The following CCDC138 variants were observed in gnomAD, a reference collection of about 807,000 sequenced individuals.
CCDC138 encodes coiled-coil domain-containing protein 138.
CCDC138 carries 66 observed loss-of-function variants against 82.3 expected under a neutral mutation model. The ratio of observed to expected loss-of-function variants is 0.80; its 90% confidence interval spans 0.66 to 0.98. The LOEUF (loss-of-function observed/expected upper bound fraction) is 0.98, where lower values mean the gene tolerates loss of function less well. CCDC138 is among the 50% of genes least tolerant of loss of function. CCDC138 has a pLI of 0.00. For missense variants in CCDC138, 816 were observed against 758.9 expected, an observed-to-expected ratio of 1.08 and a Z score of -0.88; for synonymous variants, 297 against 265.4, an observed-to-expected ratio of 1.12 and a Z score of -1.16.
intron 10 of CCDC138, among the ~76,000 whole-genome samples, chr2:108,816,877 TG>T (rs1455079063): frequency 6.6e-6 from 1 of 152,142 alleles, no homozygotes; most frequent in African/African-American, 2.4e-5. Context: ...AAAAAATTTT[TG>T]TAGAGATCAG....
At position 108,841,328 on chromosome 2, in the gene CCDC138, C is replaced by T. The variant is rs1357542274; in HGVS notation, c.1323+2027C>T. Among the ~76,000 whole-genome samples the T allele has an allele frequency of 2.6e-5, 4 of 152,126 alleles. No homozygotes were observed. The East Asian group carries it at 5.8e-4, about 22-fold the overall frequency. ...TCTATATCCTTGCTGATACTTTGTC[C>T]TGTTCTATCAAGTGTGGAGAGATAG... On this transcript the variant is annotated intron_variant, in intron 11 of 14. Coordinates refer to ENST00000295124, the MANE Select transcript of CCDC138 (RefSeq NM_144978.3).
At chr2:108,812,358 T>TA (rs1359086164) in intron 7 of CCDC138, among the ~76,000 whole-genome samples, 2 of 152,148 alleles carry the variant, frequency 1.3e-5, no homozygotes, top group East Asian at 3.8e-4. Context: ...TACTTATTAA[T>TA]AAAAACATTT....
At position 108,856,988 on chromosome 2, in the gene CCDC138, A is replaced by G. The variant is rs759726711; in HGVS notation, c.1693+18A>G. On this transcript the variant is annotated intron_variant, in intron 13 of 14. Transcript: ENST00000295124. ...GGAATCTAGTAAGTTTTTAAGTTCT[A>G]TATGTGTAAAGAAAGCAGGATGATT... 1.1e-5 allele frequency: 15 copies of G among 1,343,948 alleles called. No homozygotes were observed. Among genetic ancestry groups the G allele is most frequent in the East Asian group, 3.0e-5 (1 of 33,516 alleles). The allele number at this position is 1,343,948 out of a possible 1,614,324, so 83.3% of individuals were successfully genotyped here.
intron 12 of CCDC138, among the ~76,000 whole-genome samples, chr2:108,851,121 C>G (rs1254858841): frequency 4.6e-5 from 7 of 152,016 alleles, no homozygotes; most frequent in Non-Finnish European, 7.4e-5. Context: ...AACACTTAAC[C>G]AGTTTATTAT....
chr2:108,836,646 T>G (rs941620137), intron 10 of CCDC138, among the ~76,000 whole-genome samples: 1 of 152,234 alleles, frequency 6.6e-6, no homozygotes, highest in Admixed American at 6.5e-5. Flanking sequence ...TGTAGATCGC[T>G]TTGGGTAGCA....
intron 4 of CCDC138, among the ~76,000 whole-genome samples, chr2:108,793,534 A>G (rs148005319): frequency 9.8e-4 from 149 of 152,286 alleles, no homozygotes; most frequent in African/African-American, 3.4e-3. Flanking sequence ...GAATCTGCAC[A>G]TATACCCTAT....
chr2:108,826,879 T>C (rs1686701681), intron 10 of CCDC138, among the ~76,000 whole-genome samples: 1 of 152,244 alleles, frequency 6.6e-6, no homozygotes, highest in African/African-American at 2.4e-5. Flanking sequence ...ATGAACAAGA[T>C]GTCTTTCCAT....
rs1197874299 is a variant in CCDC138, at chr2:108,798,993, T to C, written c.735+407T>C. Reference sequence around the variant, plus strand: ...AAATTAATGCTAACTAAATAACTTATTTATAGTCCATGTTTACTTTCTCAG... The same window carrying C: ...AAATTAATGCTAACTAAATAACTTACTTATAGTCCATGTTTACTTTCTCAG... On this transcript the variant is annotated intron_variant, in intron 6 of 14. Coordinates refer to ENST00000295124, the MANE Select transcript of CCDC138 (RefSeq NM_144978.3). Among the ~76,000 whole-genome samples the C allele has an allele frequency of 2.0e-5, 3 of 152,188 alleles. No individual in the cohort carries two copies. In the East Asian group the frequency reaches 5.8e-4, roughly 29 times the overall value.
rs34218601 is a variant in CCDC138 at position 108,825,274 on chromosome 2, TTTTGTTTG to T, written c.1206+9182_1206+9189del. 2.8e-4 allele frequency among the ~76,000 whole-genome samples: 42 copies of T among 151,386 alleles called. No homozygotes were observed. In the South Asian group the frequency reaches 6.0e-3, roughly 22 times the overall value. ...CTTGTTTTTGTTCTGGTGGTGGGTT[TTTTGTTTG>T]TTTGTTTGTTTGGTAACAGCTTTAT... On this transcript the variant is annotated intron_variant, in intron 10 of 14. Transcript: ENST00000295124.
downstream of CCDC138, among the ~76,000 whole-genome samples, chr2:108,879,142 TTTAA>T (rs1696213829): frequency 6.6e-6 from 1 of 152,222 alleles, no homozygotes; most frequent in South Asian, 2.1e-4. Flanking sequence ...TATTTATTTA[TTTAA>T]TTTTCTGTAG....
At chr2:108,853,953 A>T in intron 12 of CCDC138, among the ~76,000 whole-genome samples, 3 of 120,796 alleles carry the variant, frequency 2.5e-5, no homozygotes, top group African/African-American at 9.6e-5. Flanking sequence ...ATATACAATA[A>T]ATATATATAA....
At chr2:108,843,880 T>TGTGTGTGTGTG (rs1558717151) in intron 11 of CCDC138, among the ~76,000 whole-genome samples, 4 of 94,134 alleles carry the variant, frequency 4.2e-5, no homozygotes, top group African/African-American at 2.2e-4. Flanking sequence ...GTGTGTGTGT[T>TGTGTGTGTGTG]TCTTTCTTTT....
chr2:108,843,918 T>A (rs1161526437), intron 11 of CCDC138, among the ~76,000 whole-genome samples: 2 of 119,248 alleles, frequency 1.7e-5, no homozygotes, highest in Non-Finnish European at 3.4e-5. Flanking sequence ...TGAGACAGGG[T>A]CTTGCTCTGT....
chr2:108,874,173 A>G (rs1695684166), intron 14 of CCDC138, among the ~76,000 whole-genome samples: 1 of 152,226 alleles, frequency 6.6e-6, no homozygotes, highest in South Asian at 2.1e-4. Context: ...ATAAAAAGAT[A>G]AAAGTATTTT....
chr2:108,827,598 C>T (rs968445699), intron 10 of CCDC138, among the ~76,000 whole-genome samples: 3 of 151,230 alleles, frequency 2.0e-5, no homozygotes, highest in Non-Finnish European at 3.0e-5. Flanking sequence ...GGGCGGATCA[C>T]GAGGTCAGGA....
chr2:108,855,560 C>A (rs1258346531), intron 12 of CCDC138, among the ~76,000 whole-genome samples: 1 of 151,516 alleles, frequency 6.6e-6, no homozygotes, highest in African/African-American at 2.4e-5. Context: ...CTTTGTTTAA[C>A]TTAATACACA....
intron 6 of CCDC138, among the ~76,000 whole-genome samples, chr2:108,800,162 A>G (rs1196449085): frequency 6.6e-6 from 1 of 152,196 alleles, no homozygotes; most frequent in Non-Finnish European, 1.5e-5. Context: ...GGTATATTCA[A>G]GACCTTCTGG....
At chr2:108,878,038 G>A (rs1259562414), downstream of CCDC138, among the ~76,000 whole-genome samples, 4 of 152,164 alleles carry the variant, frequency 2.6e-5, no homozygotes, top group African/African-American at 4.8e-5. Flanking sequence ...ACATTCAGGC[G>A]TTGAGAAATT....
At chr2:108,825,706 G>A (rs1016983797) in intron 10 of CCDC138, among the ~76,000 whole-genome samples, 1 of 152,112 alleles carries the variant, frequency 6.6e-6, no homozygotes, top group Non-Finnish European at 1.5e-5. Flanking sequence ...TCACTTGATA[G>A]ACTTTTGGGT....
Sources: gnomAD v4.1 joint callset for allele counts (sites outside exome capture counted in the v4.1 genomes callset) on GRCh38, gnomAD v4.1.1 for gene constraint, MANE v1.5 for transcripts, NCBI Gene and HGNC (gene_info 2026-07-23, HGNC 2026-07-21) for gene names.